Variants in RIBC2 observed in about 807,000 individuals in gnomAD.
The protein encoded by RIBC2 is RIB43A-like with coiled-coils protein 2.
Under a neutral mutation model 44.3 loss-of-function variants are expected in RIBC2, and 40 were observed. The ratio of observed to expected loss-of-function variants is 0.90; its 90% CI spans 0.70 to 1.18. The LOEUF (loss-of-function observed/expected upper bound fraction) is 1.18, where lower values mean the gene tolerates loss of function less well. Ranked by LOEUF, RIBC2 falls within the 50% of genes most tolerant of loss-of-function variation. The probability of loss-of-function intolerance (pLI) is 0.00; values close to 1 mark genes in which losing one functional copy is unlikely to be tolerated. For synonymous variants in RIBC2, 171 were observed against 175.0 expected (o/e 0.98, Z 0.18); for missense variants, 459 against 485.5 (o/e 0.95, Z 0.51).
Position 45,431,025 on chromosome 22 carries a change from G to A in RIBC2, c.1029G>A (p.Leu343=). 1 of 1,586,568 alleles carries A rather than the reference G, an allele frequency of 6.3e-7. No homozygotes were observed. Among genetic ancestry groups the A allele is most frequent in the South Asian group, 1.1e-5 (1 of 87,252 alleles). ...GGCAGCGCGACCTGCGCAGAGCTCT[G>A]GACAGCAGCAACCTCAGCCTGGCCA... The part of the protein sequence containing the change: ...WRRQRDLRRA[L]DSSNLSLAKE... The change falls in exon 6 of 7, where the codon CTG becomes CTA. Residue 343 remains leucine, a synonymous_variant. Coordinates refer to ENST00000614167, the MANE Select transcript of RIBC2 (RefSeq NM_015653.5).
chr22:45,431,365 G>A (rs554814721), intron 6 of RIBC2, among the ~76,000 whole-genome samples: 1 of 152,254 alleles, frequency 6.6e-6, no homozygotes, highest in South Asian at 2.1e-4. Flanking sequence ...AGACCCAGGA[G>A]GAGGATGGCA....
intron 2 of RIBC2, among the ~76,000 whole-genome samples, chr22:45,414,880 C>T (rs900832626): frequency 1.3e-5 from 2 of 152,110 alleles, no homozygotes; most frequent in African/African-American, 4.8e-5. Flanking sequence ...CACTCACTTG[C>T]TCTGCTCAAA....
chr22:45,421,749 T>C (rs995232853), intron 3 of RIBC2, among the ~76,000 whole-genome samples: 1 of 151,758 alleles, frequency 6.6e-6, no homozygotes, highest in Non-Finnish European at 1.5e-5. Flanking sequence ...ACTCCAAATC[T>C]TCACATTTTG....
chr22:45,423,395 G>T (rs907819434), intron 4 of RIBC2, among the ~76,000 whole-genome samples: 1 of 151,996 alleles, frequency 6.6e-6, no homozygotes, highest in African/African-American at 2.4e-5. Context: ...GATCAGGTTC[G>T]CTCGTCAACT....
intron 3 of RIBC2, 88 bp downstream of exon 3, chr22:45,418,034 A>AT: frequency 9.5e-6 from 8 of 842,410 alleles, no homozygotes; most frequent in East Asian, 2.9e-5. Context: ...GCAACCCTAC[A>AT]GTTTTTTTTT....
intron 3 of RIBC2, among the ~76,000 whole-genome samples, chr22:45,421,946 C>T (rs982277948): frequency 1.3e-5 from 2 of 152,146 alleles, no homozygotes; most frequent in Non-Finnish European, 2.9e-5. Flanking sequence ...AAAACCTCTG[C>T]ACCTGCTCCC....
chr22:45,430,818 A>G, intron 5 of RIBC2, 82 bp from the exon 6 acceptor site: 1 of 1,421,564 alleles, frequency 7.0e-7, no homozygotes, highest in South Asian at 1.5e-5. Flanking sequence ...CTGTAGAATG[A>G]GAGGCCAGGC....
At chr22:45,426,264 C>T (rs566488968) in intron 5 of RIBC2, 89 bp downstream of exon 5, 7 of 1,202,348 alleles carry the variant, frequency 5.8e-6, no homozygotes, top group Non-Finnish European at 8.3e-6. Flanking sequence ...TGTAGCAGGC[C>T]TTGTGCTCTG....
chr22:45,431,744 C>T (rs1000715237), intron 6 of RIBC2, among the ~76,000 whole-genome samples: 22 of 151,904 alleles, frequency 1.4e-4, no homozygotes, highest in African/African-American at 4.8e-4. Context: ...CTGAGGCGGG[C>T]GGATTATGAG....
intron 6 of RIBC2, among the ~76,000 whole-genome samples, chr22:45,431,691 T>C (rs2087582009): frequency 6.6e-6 from 1 of 152,180 alleles, no homozygotes; most frequent in African/African-American, 2.4e-5. Flanking sequence ...ATCTGAGGGC[T>C]GGGCTCGGTG....
At chr22:45,429,797 A>AT (rs1371241429) in intron 5 of RIBC2, among the ~76,000 whole-genome samples, 1 of 152,184 alleles carries the variant, frequency 6.6e-6, no homozygotes, top group Non-Finnish European at 1.5e-5. Flanking sequence ...TCTAGTTTTC[A>AT]TTTTTTGTAG....
chr22:45,422,418 C>A lies in RIBC2; in HGVS notation c.675+10C>A. On this transcript the variant is annotated intron_variant, in intron 4 of 6. Coordinates refer to ENST00000614167, the MANE Select transcript of RIBC2 (RefSeq NM_015653.5). ...CTTCAACAAGAGCCAGGTATAGGTA[C>A]TCCGCGACCTCGGGCTCGACGACTG... 1 of 1,590,532 alleles carries A rather than the reference C, an allele frequency of 6.3e-7. No individual in the cohort carries two copies. The highest frequency in any genetic ancestry group is 1.1e-5 in the South Asian group (1 of 90,680).
chr22:45,422,602 T>C, intron 4 of RIBC2, 194 bp downstream of exon 4: 1 of 586,768 alleles, frequency 1.7e-6, no homozygotes. Flanking sequence ...GCCTTAGCTC[T>C]GAATCTTGGA....
chr22:45,414,978 C>T (rs1256291620), intron 2 of RIBC2, among the ~76,000 whole-genome samples: 2 of 152,060 alleles, frequency 1.3e-5, no homozygotes, highest in African/African-American at 2.4e-5. Context: ...CAGAGACAGA[C>T]ATGATTCAAA....
At chr22:45,432,127 G>A (rs1265911647) in intron 6 of RIBC2, among the ~76,000 whole-genome samples, 157 bp from the exon 7 acceptor site, 2 of 151,988 alleles carry the variant, frequency 1.3e-5, no homozygotes, top group Non-Finnish European at 2.9e-5. Context: ...CGGTTGAGAT[G>A]GATCATTTTG....
rs142442407 is a variant in RIBC2, at chr22:45,427,320, A to G, written c.903+1145A>G. 1.6e-3 allele frequency among the ~76,000 whole-genome samples: 247 copies of G among 152,336 alleles called. 1 individual carries two copies. Among genetic ancestry groups the G allele is most frequent in the African/African-American group, 5.6e-3 (231 of 41,574 alleles). Reference sequence around the variant, plus strand: ...CAAGATGGCTGCTTGAGCACCAGCCATCACATGCATAGTCCAGCTACCAGG... The same window carrying G: ...CAAGATGGCTGCTTGAGCACCAGCCGTCACATGCATAGTCCAGCTACCAGG... On this transcript the variant is annotated intron_variant, in intron 5 of 6. Transcript: ENST00000614167.
chr22:45,428,330 A>T (rs1243004275), intron 5 of RIBC2, among the ~76,000 whole-genome samples: 1 of 152,194 alleles, frequency 6.6e-6, no homozygotes, highest in Non-Finnish European at 1.5e-5. Flanking sequence ...GGGTGCAGAG[A>T]AATGGAGTAG....
intron 2 of RIBC2, among the ~76,000 whole-genome samples, chr22:45,415,199 G>GAA (rs10587079): frequency 1.8e-4 from 23 of 126,818 alleles, no homozygotes; most frequent in East Asian, 1.1e-3. Flanking sequence ...AAAATAAATT[G>GAA]AAAAAAAAAA....
In RIBC2 at chr22:45,426,023, C is replaced by T. The variant is rs1555939268; in HGVS notation, c.751C>T (p.Leu251Phe). 2 of 1,614,136 alleles carry T rather than the reference C, an allele frequency of 1.2e-6. No individual in the cohort carries two copies. Among genetic ancestry groups the T allele is most frequent in the Admixed American group, 1.7e-5 (1 of 60,012 alleles). ...QEDNLAEITN[L>F]LRGDLLSENP... ...GGACAACTTGGCCGAGATCACCAAC[C>T]TCCTGCGTGGGGACCTGCTCTCCGA... The change falls in exon 5 of 7, where the codon CTC becomes TTC. Residue 251 changes from leucine to phenylalanine, a missense_variant. By Grantham distance (22) the Leu-to-Phe change is conservative (BLOSUM62 0). Coordinates refer to ENST00000614167, the MANE Select transcript of RIBC2 (RefSeq NM_015653.5).
Sources: gnomAD v4.1 joint callset for allele counts (sites outside exome capture counted in the v4.1 genomes callset) on GRCh38, gnomAD v4.1.1 for gene constraint, MANE v1.5 for transcripts, NCBI Gene and HGNC (gene_info 2026-07-23, HGNC 2026-07-21) for gene names.